E2F8: variants seen among roughly 807,000 people sequenced by gnomAD.
E2F8 encodes the protein E2F transcription factor 8.
Under a neutral mutation model 80.8 loss-of-function variants are expected in E2F8, and 35 were observed. The ratio of observed to expected loss-of-function variants is 0.43; its 90% confidence interval spans 0.33 to 0.57. The LOEUF is 0.57. Among genes scored for constraint, E2F8 ranks in the 20% least tolerant of loss-of-function variants. The pLI is 0.04. For missense variants in E2F8, 975 were observed against 1,056.2 expected (o/e 0.92, Z 1.07); for synonymous variants, 386 against 395.0 (o/e 0.98, Z 0.27).
intron 6 of E2F8, 69 bp downstream of exon 6, chr11:19,234,291 A>C: frequency 6.5e-7 from 1 of 1,545,996 alleles, no homozygotes; most frequent in Non-Finnish European, 8.7e-7. Flanking sequence ...TAATTTGGAA[A>C]TGAGTTTACG....
Position 19,238,144 on chromosome 11 carries a change from A to C in E2F8, c.16-12T>G. ...CAAAAGAGATTTTCCTGGTTTAAAA[A>C]ATGTAAATAATTAAATCCATGGTAA... On this transcript the variant is annotated splice_polypyrimidine_tract_variant and intron_variant, in intron 2 of 12. Transcript: ENST00000250024. 3 of 1,592,674 alleles carry C rather than the reference A, an allele frequency of 1.9e-6. No individual in the cohort carries two copies. The highest frequency in any genetic ancestry group is 2.6e-6 in the Non-Finnish European group (3 of 1,171,444).
chr11:19,236,815 A>C (rs1851531273), intron 4 of E2F8, among the ~76,000 whole-genome samples: 1 of 152,202 alleles, frequency 6.6e-6, no homozygotes, highest in Non-Finnish European at 1.5e-5. Flanking sequence ...CTTTGAACAG[A>C]GTAAAAAGGG....
At position 19,235,029 on chromosome 11, in the gene E2F8, C is replaced by T. The variant is rs1240222124; in HGVS notation, c.481G>A (p.Val161Met). The T allele has an allele frequency of 3.1e-6, 5 of 1,609,574 alleles. No homozygotes were observed. Among genetic ancestry groups the T allele is most frequent in the African/African-American group, 2.7e-5 (2 of 74,592 alleles). Reference protein sequence around the residue: ...NVERRRIYDIVNVLESLHMVS... With the variant: ...NVERRRIYDIMNVLESLHMVS... ...ATATGTAAACTCTCTAGGACGTTCA[C>T]GATATCGTAAATGCGTCGACGTTCA... Residue 161 changes from valine to methionine, a missense_variant, in exon 5 of 13, where the codon GTG becomes ATG. Physicochemically the swap from Val to Met is conservative, Grantham distance 21. Transcript: ENST00000250024.
At position 19,229,170 on chromosome 11, in the gene E2F8, C is replaced by T. The variant is rs906406718; in HGVS notation, c.1893+284G>A. On this transcript the variant is annotated intron_variant, in intron 10 of 12. Coordinates refer to ENST00000250024, the MANE Select transcript of E2F8 (RefSeq NM_024680.4). The surrounding 1 kb of genome is among the most constrained non-coding windows in gnomAD (Gnocchi z 4.3). ...AAATTATTTAAGACTTTCATGACAG[C>T]TGTTTGCATTCCAGTGTGTGATGGA... Among the ~76,000 whole-genome samples the T allele has an allele frequency of 4.6e-5, 7 of 152,158 alleles. No homozygotes were observed. The highest frequency in any genetic ancestry group is 1.3e-4 in the Admixed American group (2 of 15,286).
chr11:19,240,272 G>A lies in E2F8; in HGVS notation c.-109-42C>T, dbSNP rs761390933. 228 of 428,950 alleles carry A rather than the reference G, an allele frequency of 5.3e-4. 2 individuals are homozygous for A. Among genetic ancestry groups the A allele is most frequent in the Non-Finnish European group, 2.7e-4 (65 of 243,752 alleles). The allele number at this position is 428,950 out of a possible 1,614,324, so 26.6% of individuals were successfully genotyped here. A position where few individuals can be genotyped will look rare whatever the true frequency, so the allele number is the denominator to read the frequency against. ...AATAGAAAAAGTTAGAGAAAAACAAGAACCAAAAGATCTGTTGAAAATTCC... is the reference window on the plus strand; with the variant it reads ...AATAGAAAAAGTTAGAGAAAAACAAAAACCAAAAGATCTGTTGAAAATTCC... On this transcript the variant is annotated intron_variant, in intron 1 of 12. Transcript: ENST00000250024.
rs780401976 is a variant in E2F8, at chr11:19,225,514, C to T, written c.2128G>A (p.Val710Ile). 1.1e-5 allele frequency: 18 copies of T among 1,614,160 alleles called. No homozygotes were observed. Among genetic ancestry groups the T allele is most frequent in the Middle Eastern group, 1.6e-4 (1 of 6,062 alleles). ...AGAGCCGGGCTGTTCCCGACAGGTACGGCTGCCACGGAAGTTGGTGAGACC... is the reference window on the plus strand; with the variant it reads ...AGAGCCGGGCTGTTCCCGACAGGTATGGCTGCCACGGAAGTTGGTGAGACC... ...LMVSPTSVAA[V>I]PVGNSPALAS... Residue 710 changes from valine (V) to isoleucine (I), a missense_variant, in exon 12 of 13, where the codon GTA (valine) becomes ATA (isoleucine). Transcript: ENST00000250024.
chr11:19,234,783 T>A lies in E2F8; in HGVS notation c.727A>T (p.Met243Leu). 2 of 1,613,994 alleles carry A rather than the reference T, an allele frequency of 1.2e-6. No individual in the cohort carries two copies. The highest frequency in any genetic ancestry group is 2.2e-5 in the East Asian group (1 of 44,888). Residue 243 changes from methionine (M) to leucine (L), a missense_variant, in exon 5 of 13, where the codon ATG (methionine) becomes TTG (leucine). Transcript: ENST00000250024. The part of the protein sequence containing the change: ...SNTGPNGHPD[M>L]CFVELPGVEF... Reference sequence around the variant, plus strand: ...ACTCCAGGGAGTTCCACAAAACACATGTCTGGGTGTCCATTTGGGCCAGTG... The same window carrying A: ...ACTCCAGGGAGTTCCACAAAACACAAGTCTGGGTGTCCATTTGGGCCAGTG...
chr11:19,224,733 A>T lies in E2F8; in HGVS notation c.2529T>A (p.Gly843=), dbSNP rs776112952. 1.2e-6 allele frequency: 2 copies of T among 1,614,176 alleles called. No individual in the cohort carries two copies. The highest frequency in any genetic ancestry group is 1.1e-5 in the South Asian group (1 of 91,082). The change falls in exon 13 of 13, where the codon GGT becomes GGA. Residue 843 remains glycine (G), a synonymous_variant. Coordinates refer to ENST00000250024, the MANE Select transcript of E2F8 (RefSeq NM_024680.4). ...GAGTTCCTAAGGAGGTTTTATTAGCACCCTCAAAATCCATGCAGGATGAGC... is the reference window on the plus strand; with the variant it reads ...GAGTTCCTAAGGAGGTTTTATTAGCTCCCTCAAAATCCATGCAGGATGAGC... ...PTSSSCMDFE[G]ANKTSLGTLF...
In E2F8 at chr11:19,235,023, C is replaced by T. The variant is rs541403947; in HGVS notation, c.487G>A (p.Val163Ile). The change falls in exon 5 of 13, where the codon GTC becomes ATC. Residue 163 changes from valine to isoleucine, a missense_variant. Transcript: ENST00000250024. ...ERRRIYDIVNVLESLHMVSRL... is the reference protein window; with the variant it reads ...ERRRIYDIVNILESLHMVSRL... ...CTCACCATATGTAAACTCTCTAGGA[C>T]GTTCACGATATCGTAAATGCGTCGA... The T allele has an allele frequency of 3.7e-6, 6 of 1,611,248 alleles. No individual in the cohort carries two copies. Among genetic ancestry groups the T allele is most frequent in the African/African-American group, 2.7e-5 (2 of 74,814 alleles).
chr11:19,238,024 A>G lies in E2F8; in HGVS notation c.124T>C (p.Leu42=), dbSNP rs1171223514. ...LAEIQPDFGP[L]TTPTKPKEGS... Reference sequence around the variant, plus strand: ...TCCTTGGGCTTGGTAGGTGTGGTTAAAGGGCCAAAGTCAGGCTGGATCTCT... The same window carrying G: ...TCCTTGGGCTTGGTAGGTGTGGTTAGAGGGCCAAAGTCAGGCTGGATCTCT... The change falls in exon 3 of 13, where the codon TTA becomes CTA. Residue 42 remains leucine (L), a synonymous_variant. Coordinates refer to ENST00000250024, the MANE Select transcript of E2F8 (RefSeq NM_024680.4). 2 of 1,614,054 alleles carry G rather than the reference A, an allele frequency of 1.2e-6. No individual in the cohort carries two copies. Among genetic ancestry groups the G allele is most frequent in the African/African-American group, 2.7e-5 (2 of 74,930 alleles).
intron 7 of E2F8, 43 bp downstream of exon 7, chr11:19,232,185 AACACAC>A: frequency 1.3e-6 from 2 of 1,597,814 alleles, no homozygotes; most frequent in South Asian, 2.2e-5. Flanking sequence ...AAATTAGAAA[AACACAC>A]ACACAAATAA....
At chr11:19,231,570 T>C (rs1851383777) in intron 7 of E2F8, among the ~76,000 whole-genome samples, 1 of 152,190 alleles carries the variant, frequency 6.6e-6, no homozygotes, top group East Asian at 1.9e-4. Context: ...GGATCTTTGG[T>C]AGAATGCAAA....
rs1460245411 is a variant in E2F8, at chr11:19,231,477, G to C, written c.1067-643C>G. 1.3e-5 allele frequency among the ~76,000 whole-genome samples: 2 copies of C among 152,222 alleles called. 1 individual carries two copies. The highest frequency in any genetic ancestry group is 4.1e-4 in the South Asian group (2 of 4,830). On this transcript the variant is annotated intron_variant, in intron 7 of 12. Coordinates refer to ENST00000250024, the MANE Select transcript of E2F8 (RefSeq NM_024680.4). ...TAGCTTGTCTCAGGCCGCAAAGCCA[G>C]AGTGGCAGGGCTTGGAATGGAACCT... is the stretch of plus-strand genomic sequence containing the variant.
chr11:19,235,621 C>T (rs1851496850), intron 4 of E2F8, among the ~76,000 whole-genome samples: 1 of 151,902 alleles, frequency 6.6e-6, no homozygotes, highest in African/African-American at 2.4e-5. Flanking sequence ...AGCACTCCAG[C>T]CTGGGCGAAA....
chr11:19,225,143 A>G, intron 12 of E2F8, 78 bp downstream of exon 12: 2 of 1,528,556 alleles, frequency 1.3e-6, no homozygotes, highest in Non-Finnish European at 1.8e-6. Context: ...AGGAAAAGCA[A>G]AAGCCAATCT....
In E2F8 at chr11:19,225,248, T is replaced by G. The variant is rs779640316; in HGVS notation, c.2394A>C (p.Gln798His). 1.2e-5 allele frequency: 20 copies of G among 1,613,744 alleles called. No individual in the cohort carries two copies. Among genetic ancestry groups the G allele is most frequent in the Non-Finnish European group, 5.9e-6 (7 of 1,180,040 alleles). The change falls in exon 12 of 13, where the codon CAA (glutamine) becomes CAC (histidine). Residue 798 changes from glutamine to histidine, a missense_variant. Physicochemically the swap from Gln to His is conservative, Grantham distance 24. Coordinates refer to ENST00000250024, the MANE Select transcript of E2F8 (RefSeq NM_024680.4). ...PVPGQSQPNG[Q>H]SVAVTGAQQP... is the part of the protein sequence containing the mutation. ...GTTGTGCCCCTGTCACAGCAACTGATTGTCCATTTGGCTGGCTCTGGCCTG... is the reference window on the plus strand; with the variant it reads ...GTTGTGCCCCTGTCACAGCAACTGAGTGTCCATTTGGCTGGCTCTGGCCTG...
chr11:19,235,618 C>A (rs981444889), intron 4 of E2F8, among the ~76,000 whole-genome samples: 1 of 151,870 alleles, frequency 6.6e-6, no homozygotes, highest in Non-Finnish European at 1.5e-5. Flanking sequence ...CACAGCACTC[C>A]AGCCTGGGCG....
At chr11:19,232,439 G>T in intron 6 of E2F8, 68 bp from the exon 7 acceptor site, 1 of 1,370,392 alleles carries the variant, frequency 7.3e-7, no homozygotes. Flanking sequence ...CCTTCAGAAG[G>T]ACTTCATGTA....
At chr11:19,224,953 T>C in intron 12 of E2F8, 113 bp from the exon 13 acceptor site, 1 of 1,321,546 alleles carries the variant, frequency 7.6e-7, no homozygotes, top group Non-Finnish European at 1.0e-6. Context: ...GAAACTGGCG[T>C]ATCTTGAAAT....
Sources: gnomAD v4.1 joint callset for allele counts (sites outside exome capture counted in the v4.1 genomes callset) on GRCh38, gnomAD v4.1.1 for gene constraint, Gnocchi (gnomAD v3.1) non-coding constraint, MANE v1.5 for transcripts, NCBI Gene and HGNC (gene_info 2026-07-23, HGNC 2026-07-21) for gene names.